MCU: variants seen among roughly 807,000 people sequenced by gnomAD.
MCU encodes calcium uniporter protein, mitochondrial.
A neutral mutation model predicts 45.2 loss-of-function variants in MCU; 12 were observed. The observed-to-expected ratio is 0.27, with a 90% CI of 0.17 to 0.43. MCU has a LOEUF of 0.43. MCU is among the 20% of genes least tolerant of loss of function. MCU has a pLI of 1.00. For missense variants in MCU, 324 were observed against 436.7 expected (o/e 0.74, Z 2.30); for synonymous variants, 160 against 165.1 (o/e 0.97, Z 0.24).
At chr10:72,725,257 C>G (rs1162083996) in intron 1 of MCU, among the ~76,000 whole-genome samples, 1 of 152,134 alleles carries the variant, frequency 6.6e-6, no homozygotes, top group African/African-American at 2.4e-5. Context: ...TCCCGAGAAG[C>G]TGGGACTGCA....
intron 1 of MCU, among the ~76,000 whole-genome samples, chr10:72,695,712 CTTTTT>C (rs201032987): frequency 7.2e-6 from 1 of 138,550 alleles, no homozygotes; most frequent in Admixed American, 7.3e-5. Flanking sequence ...AATTCCTTTA[CTTTTT>C]TTTTTTTTTT....
chr10:72,778,047 G>C (rs1843922902), intron 1 of MCU, among the ~76,000 whole-genome samples: 2 of 152,132 alleles, frequency 1.3e-5, no homozygotes, highest in South Asian at 4.1e-4. Flanking sequence ...AGTATGTCTA[G>C]AAAAGGGAAC....
chr10:72,729,299 T>C (rs922687789), intron 1 of MCU, among the ~76,000 whole-genome samples: 1 of 152,048 alleles, frequency 6.6e-6, no homozygotes, highest in African/African-American at 2.4e-5. Flanking sequence ...ATGCCATCTC[T>C]ACTAAAAATA....
chr10:72,726,876 T>G (rs1249348823), intron 1 of MCU, among the ~76,000 whole-genome samples: 1 of 152,218 alleles, frequency 6.6e-6, no homozygotes, highest in Non-Finnish European at 1.5e-5. Flanking sequence ...TTAAAAAGAC[T>G]TTAAGAGTTC....
chr10:72,813,783 A>T (rs1170613850), intron 1 of MCU, among the ~76,000 whole-genome samples: 7 of 146,454 alleles, frequency 4.8e-5, no homozygotes, highest in African/African-American at 1.5e-4. Flanking sequence ...TGATGTCTGC[A>T]CTATGGATAG....
intron 1 of MCU, chr10:72,736,497 T>C (rs1477063311): frequency 6.6e-6 from 1 of 152,220 alleles, no homozygotes; most frequent in Non-Finnish European, 1.5e-5. Flanking sequence ...GGTTCTGTTA[T>C]ATCCCCCAGA....
intron 1 of MCU, among the ~76,000 whole-genome samples, chr10:72,802,782 TA>T (rs1844362934): frequency 6.6e-6 from 1 of 152,234 alleles, no homozygotes; most frequent in Admixed American, 6.5e-5. Flanking sequence ...TTTATATGTA[TA>T]TCCCCTTATT....
At chr10:72,771,927 A>G (rs181176178) in intron 1 of MCU, among the ~76,000 whole-genome samples, 23 of 152,242 alleles carry the variant, frequency 1.5e-4, no homozygotes, top group Non-Finnish European at 2.5e-4. Context: ...CCACCACCCC[A>G]TTCTACCCAG....
intron 7 of MCU, among the ~76,000 whole-genome samples, chr10:72,885,390 C>T (rs769006557): frequency 6.6e-6 from 1 of 152,196 alleles, no homozygotes; most frequent in Non-Finnish European, 1.5e-5. Context: ...GCATAAAGTT[C>T]TGGCTCTTAG....
intron 1 of MCU, among the ~76,000 whole-genome samples, chr10:72,735,107 T>C (rs1346501823): frequency 1.4e-5 from 1 of 70,746 alleles, no homozygotes; most frequent in Non-Finnish European, 2.9e-5. Flanking sequence ...TGTTGTATCA[T>C]GTATCAGAAT....
intron 1 of MCU, among the ~76,000 whole-genome samples, chr10:72,815,766 G>T (rs765858009): frequency 2.0e-5 from 3 of 151,938 alleles, no homozygotes; most frequent in Non-Finnish European, 4.4e-5. Context: ...ATTAATCAAA[G>T]AATTCAGAAA....
chr10:72,872,583 A>G (rs1845560554), intron 6 of MCU, among the ~76,000 whole-genome samples: 1 of 152,192 alleles, frequency 6.6e-6, no homozygotes, highest in Admixed American at 6.5e-5. Context: ...ATTTTGCTGC[A>G]AAGGACAGGA....
intron 1 of MCU, among the ~76,000 whole-genome samples, chr10:72,754,313 A>G (rs72812223): frequency 0.036 from 5,477 of 152,280 alleles, 152 homozygotes; most frequent in Middle Eastern, 0.088. Context: ...CCAGATTTCA[A>G]TCCAGGTCTA....
chr10:72,755,839 A>T lies in MCU; in HGVS notation c.150+63538A>T, dbSNP rs183066050. Among the ~76,000 whole-genome samples, 648 of 134,534 alleles carry T rather than the reference A, an allele frequency of 4.8e-3. 32 individuals carry two copies. In the East Asian group the frequency reaches 0.12, roughly 25 times the overall value. 88.3% of individuals were successfully genotyped at this position (134,534 alleles called of 152,430 possible). A position where few individuals can be genotyped will look rare whatever the true frequency, so the allele number is the denominator to read the frequency against. ...TAGGGATATTAGCCCAATTGAAACC[A>T]TTTTTTTTTTTTTTTCATTGAGACA... On this transcript the variant is annotated intron_variant, in intron 1 of 7. Coordinates refer to ENST00000373053, the MANE Select transcript of MCU (RefSeq NM_138357.3).
chr10:72,820,904 CTGT>C (rs1844702247), intron 1 of MCU, among the ~76,000 whole-genome samples: 1 of 150,994 alleles, frequency 6.6e-6, no homozygotes, highest in Admixed American at 6.6e-5. Flanking sequence ...TGTTCCGTTT[CTGT>C]TGTTGGTTTT....
chr10:72,874,490 T>TA (rs1373316764), intron 6 of MCU, among the ~76,000 whole-genome samples: 5 of 152,348 alleles, frequency 3.3e-5, no homozygotes, highest in East Asian at 1.9e-4. Flanking sequence ...CTATTGAACA[T>TA]ACGCATTTTC....
intron 1 of MCU, among the ~76,000 whole-genome samples, chr10:72,761,455 T>C (rs1447411890): frequency 6.6e-6 from 1 of 152,212 alleles, no homozygotes; most frequent in Non-Finnish European, 1.5e-5. Context: ...AGTTATCTTA[T>C]GGCCAGAATA....
intron 1 of MCU, among the ~76,000 whole-genome samples, chr10:72,759,838 G>A (rs1454613012): frequency 2.6e-5 from 4 of 152,090 alleles, no homozygotes; most frequent in Admixed American, 6.6e-5. Context: ...TCTCTCCACC[G>A]TGTGAGAATA....
chr10:72,735,996 C>T (rs1843247482), intron 1 of MCU, among the ~76,000 whole-genome samples: 2 of 152,138 alleles, frequency 1.3e-5, no homozygotes, highest in Non-Finnish European at 2.9e-5. Flanking sequence ...ATATATTGCT[C>T]TATTAAAACA....
Sources: allele counts gnomAD v4.1 joint callset (sites outside exome capture counted in the v4.1 genomes callset), GRCh38; gene constraint gnomAD v4.1.1; transcripts MANE v1.5; gene names NCBI Gene and HGNC (gene_info 2026-07-23, HGNC 2026-07-21).